DMD: variants seen among roughly 807,000 people sequenced by gnomAD.
DMD encodes mutant dystrophin.
DMD carries 63 observed loss-of-function variants against 330.1 expected under a neutral mutation model. The observed-to-expected ratio is 0.19, with a 90% CI of 0.16 to 0.24. The LOEUF is 0.24. Ranked by LOEUF, DMD falls within the 10% of genes least tolerant of loss-of-function variation. The probability of loss-of-function intolerance (pLI) is 1.00; values close to 1 mark genes in which losing one functional copy is unlikely to be tolerated. For synonymous variants in DMD, 1,223 were observed against 959.8 expected (o/e 1.27, Z -5.07); for missense variants, 3,344 against 2,684.1 (o/e 1.25, Z -5.43).
chrX:32,487,537 A>G (rs889772678), intron 20 of DMD, among the ~76,000 whole-genome samples: 1 of 111,583 alleles, frequency 9.0e-6, no homozygotes, highest in Non-Finnish European at 1.9e-5. Flanking sequence ...AAAAGTTAAT[A>G]TTTATGGAGG....
intron 2 of DMD, among the ~76,000 whole-genome samples, chrX:32,905,349 T>TA (rs1035292730): frequency 8.9e-6 from 1 of 112,138 alleles, no homozygotes; most frequent in Non-Finnish European, 1.9e-5. Context: ...TAAAAGATTC[T>TA]AAAAAATAAT....
At chrX:32,719,282 AG>A (rs1299427162) in intron 7 of DMD, among the ~76,000 whole-genome samples, 2 of 112,294 alleles carry the variant, frequency 1.8e-5, no homozygotes, top group Non-Finnish European at 3.8e-5. Context: ...AGTATTACAA[AG>A]GTTCAGATAA....
At chrX:32,509,189 TA>T (rs76536849) in intron 18 of DMD, among the ~76,000 whole-genome samples, 27,667 of 85,989 alleles carry the variant, frequency 0.32, 3,788 homozygotes, top group East Asian at 0.44. Flanking sequence ...TAAAAAGTGT[TA>T]AAAAAAAAAA....
At chrX:31,589,376 C>A (rs1430700054) in intron 55 of DMD, among the ~76,000 whole-genome samples, 4 of 111,314 alleles carry the variant, frequency 3.6e-5, no homozygotes, top group African/African-American at 1.3e-4. Context: ...ATCCCATTTC[C>A]TGCTATCTCC....
intron 21 of DMD, among the ~76,000 whole-genome samples, chrX:32,473,606 G>C (rs1282256376): frequency 1.8e-5 from 2 of 111,482 alleles, no homozygotes; most frequent in Non-Finnish European, 3.8e-5. Flanking sequence ...GTAGTATTCA[G>C]ATGGTTGCGA....
chrX:31,136,788 ACT>A (rs1192346645), intron 76 of DMD, among the ~76,000 whole-genome samples: 1 of 111,325 alleles, frequency 9.0e-6, no homozygotes, highest in Non-Finnish European at 1.9e-5. Flanking sequence ...TTCCAGATAA[ACT>A]CTCTGTGAGT....
chrX:31,454,855 C>G (rs989013543), intron 59 of DMD, among the ~76,000 whole-genome samples: 1 of 110,015 alleles, frequency 9.1e-6, no homozygotes, highest in Non-Finnish European at 1.9e-5. Context: ...TGGGCTCAAG[C>G]GATCCTCCTG....
At chrX:32,117,766 C>A (rs769446752) in intron 44 of DMD, among the ~76,000 whole-genome samples, 9 of 111,593 alleles carry the variant, frequency 8.1e-5, no homozygotes, top group African/African-American at 2.9e-4. Context: ...AAAGTGCCTT[C>A]GGTGGAGAAA....
chrX:32,864,075 C>T (rs187210668), intron 2 of DMD, among the ~76,000 whole-genome samples: 165 of 112,413 alleles, frequency 1.5e-3, no homozygotes, highest in African/African-American at 5.1e-3. Context: ...TTTAGTGGTC[C>T]AACTTTATGC....
At chrX:31,462,519 T>C (rs2066597178) in intron 59 of DMD, among the ~76,000 whole-genome samples, 1 of 111,558 alleles carries the variant, frequency 9.0e-6, no homozygotes. Context: ...GCGAGGTTTC[T>C]GCTCGAGGGC....
At chrX:33,064,998 A>C (rs1436371549) in intron 1 of DMD, among the ~76,000 whole-genome samples, 2 of 112,285 alleles carry the variant, frequency 1.8e-5, no homozygotes, top group Non-Finnish European at 3.8e-5. Context: ...TACTTCTCAG[A>C]AGCTCTGTTG....
chrX:32,850,072 T>G (rs2081013872), intron 2 of DMD, among the ~76,000 whole-genome samples: 1 of 112,011 alleles, frequency 8.9e-6, no homozygotes, highest in African/African-American at 3.2e-5. Context: ...ATGATCTAAT[T>G]AATTCACTGA....
intron 76 of DMD, among the ~76,000 whole-genome samples, chrX:31,139,952 T>C (rs1007910741): frequency 1.6e-4 from 18 of 112,754 alleles, no homozygotes; most frequent in Non-Finnish European, 3.0e-4. Context: ...TGAAACATTT[T>C]TTAAAATAAG....
chrX:33,221,947 A>T (rs2052188041), intron 1 of DMD, among the ~76,000 whole-genome samples: 1 of 110,849 alleles, frequency 9.0e-6, no homozygotes, highest in Admixed American at 9.7e-5. Context: ...TACAAAAGCA[A>T]ACTTCTATAA....
At chrX:31,241,399 T>C (rs921067304) in intron 63 of DMD, among the ~76,000 whole-genome samples, 14 of 111,749 alleles carry the variant, frequency 1.3e-4, no homozygotes, top group African/African-American at 4.6e-4. Flanking sequence ...ATGAGAAATA[T>C]ATGCTTATGG....
intron 13 of DMD, among the ~76,000 whole-genome samples, chrX:32,577,325 G>A (rs773853908): frequency 8.9e-6 from 1 of 112,152 alleles, no homozygotes; most frequent in African/African-American, 3.2e-5. Context: ...TGGTGAGAAA[G>A]TGTTTGTATT....
chrX:31,333,127 ATGC>A (rs1213890297), intron 61 of DMD, among the ~76,000 whole-genome samples: 2 of 112,148 alleles, frequency 1.8e-5, no homozygotes, highest in African/African-American at 6.5e-5. Context: ...TGGCATTCTG[ATGC>A]TGATGTTTAC....
rs369855005 is a variant in DMD, at chrX:32,117,740, G to A, written c.6438+99176C>T. On this transcript the variant is annotated intron_variant, in intron 44 of 78. Transcript: ENST00000357033. ...ATCAGAGAGGAAGCCTGCCTACAGG[G>A]CACTTAGAATCTAAGAAAGTGCCTT... Among the ~76,000 whole-genome samples, 6 of 112,104 alleles carry A rather than the reference G, an allele frequency of 5.4e-5. No individual in the cohort carries two copies. In the East Asian group the frequency reaches 1.4e-3, roughly 26 times the overall value.
chrX:32,953,301 C>CA (rs2091372980), intron 2 of DMD, among the ~76,000 whole-genome samples: 1 of 110,918 alleles, frequency 9.0e-6, no homozygotes, highest in Admixed American at 9.7e-5. Flanking sequence ...AAGAGATATA[C>CA]AAGATGGGTA....
Sources: gnomAD v4.1 joint callset for allele counts (sites outside exome capture counted in the v4.1 genomes callset) on GRCh38, gnomAD v4.1.1 for gene constraint, MANE v1.5 for transcripts, NCBI Gene and HGNC (gene_info 2026-07-23, HGNC 2026-07-21) for gene names.